Variants in GSG1L observed in about 807,000 individuals in gnomAD.
The protein encoded by GSG1L is GSG1 like, also known as germ cell-specific gene 1-like protein.
GSG1L carries 24 observed loss-of-function variants against 42.1 expected under a neutral mutation model. The ratio of observed to expected loss-of-function variants is 0.57; its 90% CI spans 0.41 to 0.80. The LOEUF is 0.80. Among genes scored for constraint, GSG1L ranks in the 30% least tolerant of loss-of-function variants. The pLI is 0.00. For synonymous variants in GSG1L, 215 were observed against 203.5 expected (o/e 1.06, Z -0.48); for missense variants, 445 against 472.2 (o/e 0.94, Z 0.53).
chr16:27,973,190 C>T lies in GSG1L; in HGVS notation c.350-9987G>A, dbSNP rs547784539. Among the ~76,000 whole-genome samples the T allele has an allele frequency of 6.6e-5, 10 of 152,210 alleles. No individual in the cohort carries two copies. In the South Asian group the frequency reaches 1.0e-3, roughly 16 times the overall value. On this transcript the variant is annotated intron_variant, in intron 1 of 6. Transcript: ENST00000447459. Reference sequence around the variant, plus strand: ...TAGGGCCAGGTGCGGTGGCTCATGCCTGTAATCCCAGCACTTTGGGAAGCT... The same window carrying T: ...TAGGGCCAGGTGCGGTGGCTCATGCTTGTAATCCCAGCACTTTGGGAAGCT...
At chr16:27,959,704 C>T (rs2085047971) in intron 2 of GSG1L, among the ~76,000 whole-genome samples, 1 of 152,050 alleles carries the variant, frequency 6.6e-6, no homozygotes, top group African/African-American at 2.4e-5. Flanking sequence ...ATTGCTTGAG[C>T]CCAAGAGTTC....
At chr16:27,947,307 C>G (rs1358480250) in intron 2 of GSG1L, among the ~76,000 whole-genome samples, 7 of 150,382 alleles carry the variant, frequency 4.7e-5, no homozygotes, top group African/African-American at 1.5e-4. Flanking sequence ...TTCTTAACCT[C>G]TCTGAGCACA....
At chr16:28,000,205 C>T (rs1245133503) in intron 1 of GSG1L, among the ~76,000 whole-genome samples, 2 of 152,224 alleles carry the variant, frequency 1.3e-5, no homozygotes, top group African/African-American at 2.4e-5. Context: ...CAGTGGCTCA[C>T]GCCTATAATC....
chr16:27,927,671 C>T (rs1273874012), intron 2 of GSG1L, among the ~76,000 whole-genome samples: 1 of 152,200 alleles, frequency 6.6e-6, no homozygotes, highest in Non-Finnish European at 1.5e-5. Context: ...CCCACCCATC[C>T]TCAGTGCTCC....
intron 2 of GSG1L, among the ~76,000 whole-genome samples, chr16:27,903,079 G>A (rs1031488902): frequency 2.0e-5 from 3 of 152,114 alleles, no homozygotes; most frequent in Admixed American, 1.3e-4. Flanking sequence ...GGAGTCCCAG[G>A]GGTTTCTGGA....
rs2082981494 is a variant in GSG1L at position 27,807,570 on chromosome 16, A to C, written c.831-16T>G. On this transcript the variant is annotated splice_polypyrimidine_tract_variant and intron_variant, in intron 5 of 6. Coordinates refer to ENST00000447459, the MANE Select transcript of GSG1L (RefSeq NM_001109763.2). ...CTTCTCCATCCTGGAAAGAAAAAAA[A>C]ACAAAAACAAAATCCTAGGTAGGAA... 2 of 1,606,036 alleles carry C rather than the reference A, an allele frequency of 1.2e-6. No individual in the cohort carries two copies. The highest frequency in any genetic ancestry group is 1.7e-6 in the Non-Finnish European group (2 of 1,178,114).
intron 4 of GSG1L, among the ~76,000 whole-genome samples, chr16:27,844,101 T>C (rs1176520751): frequency 2.0e-5 from 3 of 152,200 alleles, no homozygotes; most frequent in Admixed American, 6.5e-5. Flanking sequence ...GTCCACACCA[T>C]AGCTGTGCTT....
chr16:28,034,198 TCATCCCATCCCAACCCATCC>T (rs1567563480), intron 1 of GSG1L, among the ~76,000 whole-genome samples: 3 of 65,980 alleles, frequency 4.5e-5, no homozygotes, highest in African/African-American at 6.5e-5. Flanking sequence ...GCAACTCATC[TCATCCCATCCCAACCCATCC>T]CATCCCATCC....
At position 28,039,032 on chromosome 16, in the gene GSG1L, TG is replaced by T. The variant is rs551764019; in HGVS notation, c.349+24043del. Among the ~76,000 whole-genome samples, 25 of 152,282 alleles carry T rather than the reference TG, an allele frequency of 1.6e-4. No individual in the cohort carries two copies. In the South Asian group the frequency reaches 5.2e-3, roughly 32 times the overall value. On this transcript the variant is annotated intron_variant, in intron 1 of 6. Transcript: ENST00000447459. ...TCTAGGATTTGACTGCAAATTGGTGTGGGGGCTGCAGAGATCATCCTGGGAT... is the reference window on the plus strand; with the variant it reads ...TCTAGGATTTGACTGCAAATTGGTGTGGGGCTGCAGAGATCATCCTGGGAT...
chr16:27,884,607 C>T lies in GSG1L; in HGVS notation c.429G>A (p.Val143=), dbSNP rs749117231. 3.1e-6 allele frequency: 5 copies of T among 1,603,882 alleles called. No homozygotes were observed. The highest frequency in any genetic ancestry group is 3.4e-6 in the Non-Finnish European group (4 of 1,175,154). Residue 143 remains valine, a synonymous_variant, in exon 3 of 7, where the codon GTG becomes GTA. Transcript: ENST00000447459. The surrounding 1 kb of genome is among the most constrained non-coding windows in gnomAD (Gnocchi z 4.4). ...CAACCACCAGCAGCAGAATGTACAGCACCTCGGAGACCACAGACAGCCACA... is the reference window on the plus strand; with the variant it reads ...CAACCACCAGCAGCAGAATGTACAGTACCTCGGAGACCACAGACAGCCACA... ...GVLWLSVVSE[V]LYILLLVVGF... is the part of the protein sequence containing the mutation.
At chr16:27,874,007 C>T (rs2083855018) in intron 3 of GSG1L, among the ~76,000 whole-genome samples, 1 of 152,132 alleles carries the variant, frequency 6.6e-6, no homozygotes, top group Non-Finnish European at 1.5e-5. Context: ...GCTCTAGTTG[C>T]CCCAAACTGA....
chr16:27,842,641 G>A (rs181672124), intron 4 of GSG1L, among the ~76,000 whole-genome samples: 1 of 152,196 alleles, frequency 6.6e-6, no homozygotes, highest in Admixed American at 6.5e-5. Flanking sequence ...ACCTCAGCTG[G>A]CTTCCCTGGG....
intron 2 of GSG1L, among the ~76,000 whole-genome samples, chr16:27,927,343 T>C (rs971940304): frequency 2.0e-5 from 3 of 152,050 alleles, no homozygotes; most frequent in Non-Finnish European, 4.4e-5. Context: ...CTCACGGTGT[T>C]GCCCAGGCTG....
intron 2 of GSG1L, among the ~76,000 whole-genome samples, chr16:27,917,434 T>C (rs2084471134): frequency 6.6e-6 from 1 of 151,934 alleles, no homozygotes; most frequent in African/African-American, 2.4e-5. Flanking sequence ...CCCTAAACAA[T>C]GACAGGAATG....
At chr16:27,983,180 CA>C (rs1233842785) in intron 1 of GSG1L, among the ~76,000 whole-genome samples, 4 of 151,932 alleles carry the variant, frequency 2.6e-5, no homozygotes, top group Non-Finnish European at 5.9e-5. Flanking sequence ...ACTGAAAATA[CA>C]AAAATTAGCT....
chr16:27,852,922 G>A (rs1172039659), intron 3 of GSG1L, among the ~76,000 whole-genome samples: 1 of 152,078 alleles, frequency 6.6e-6, no homozygotes, highest in East Asian at 1.9e-4. Flanking sequence ...GGAGCCCCGG[G>A]GCACCGGGTA....
At chr16:27,882,948 A>AT (rs1434511972) in intron 3 of GSG1L, among the ~76,000 whole-genome samples, 28 of 150,426 alleles carry the variant, frequency 1.9e-4, no homozygotes, top group African/African-American at 5.1e-4. Context: ...TCTAAAAAAA[A>AT]TTTTTTTTTT....
At chr16:27,823,345 A>G (rs375695571) in intron 5 of GSG1L, among the ~76,000 whole-genome samples, 3 of 152,068 alleles carry the variant, frequency 2.0e-5, no homozygotes, top group African/African-American at 4.8e-5. Context: ...ACAGACGCGC[A>G]CACACACACA....
At chr16:27,921,949 C>A (rs2084529246) in intron 2 of GSG1L, among the ~76,000 whole-genome samples, 1 of 148,634 alleles carries the variant, frequency 6.7e-6, no homozygotes, top group Non-Finnish European at 1.5e-5. Flanking sequence ...GTTGCTTTTT[C>A]TTTTTCTTTT....
Sources: allele counts gnomAD v4.1 joint callset (sites outside exome capture counted in the v4.1 genomes callset), GRCh38; gene constraint gnomAD v4.1.1; non-coding constraint Gnocchi (gnomAD v3.1); transcripts MANE v1.5; gene names NCBI Gene and HGNC (gene_info 2026-07-23, HGNC 2026-07-21).